Variants in NFATC2 observed in about 807,000 individuals in gnomAD.
The protein encoded by NFATC2 is nuclear factor of activated T cells 2, also known as nuclear factor of activated T-cells, cytoplasmic 2.
NFATC2 carries 22 observed loss-of-function variants against 87.3 expected under a neutral mutation model. The observed-to-expected ratio is 0.25, with a 90% CI of 0.18 to 0.36. The LOEUF (loss-of-function observed/expected upper bound fraction) is 0.36, where lower values mean the gene tolerates loss of function less well. NFATC2 is among the 10% of genes least tolerant of loss of function. The probability of loss-of-function intolerance (pLI) is 1.00; values close to 1 mark genes in which losing one functional copy is unlikely to be tolerated. For synonymous variants in NFATC2, 565 were observed against 542.2 expected (o/e 1.04, Z -0.58); for missense variants, 1,149 against 1,259.1 (o/e 0.91, Z 1.32).
chr20:51,531,612 C>T (rs1442873234), intron 1 of NFATC2, among the ~76,000 whole-genome samples: 1 of 152,180 alleles, frequency 6.6e-6, no homozygotes, highest in Non-Finnish European at 1.5e-5. Context: ...CTCCCACCCC[C>T]GGCTGTGAGA....
At chr20:51,518,542 C>G (rs1020532579) in intron 2 of NFATC2, among the ~76,000 whole-genome samples, 1 of 151,050 alleles carries the variant, frequency 6.6e-6, no homozygotes, top group African/African-American at 2.5e-5. Context: ...ATCCCTCTTA[C>G]CCTGCAGTCC....
At chr20:51,562,644 G>A, upstream of NFATC2, 2 of 1,549,588 alleles carry the variant, frequency 1.3e-6, no homozygotes, top group Non-Finnish European at 1.7e-6. This position sits in a 1 kb window ranked among gnomAD's most constrained non-coding sequence, Gnocchi z 5.8. Context: ...AGGGCACGGG[G>A]ACTTGGCGCG....
intron 7 of NFATC2, 35 bp from the exon 8 acceptor site, chr20:51,435,349 A>C: frequency 6.2e-7 from 1 of 1,613,646 alleles, no homozygotes; most frequent in Non-Finnish European, 8.5e-7. Flanking sequence ...CTTAACTGCA[A>C]TCATGTCTCA....
intron 1 of NFATC2, among the ~76,000 whole-genome samples, chr20:51,553,731 A>AACG (rs916615888): frequency 1.3e-5 from 2 of 151,726 alleles, no homozygotes; most frequent in African/African-American, 4.8e-5. Flanking sequence ...CTCCCCCTTA[A>AACG]ACGACGGTCC....
At chr20:51,540,310 G>C (rs1245209068) in intron 1 of NFATC2, among the ~76,000 whole-genome samples, 1 of 152,200 alleles carries the variant, frequency 6.6e-6, no homozygotes, top group Non-Finnish European at 1.5e-5. Context: ...ACCACGCCTG[G>C]CTGGATAGTA....
intron 5 of NFATC2, among the ~76,000 whole-genome samples, chr20:51,469,172 A>C (rs1987969124): frequency 6.6e-6 from 1 of 152,054 alleles, no homozygotes; most frequent in South Asian, 2.1e-4. Context: ...ACAGGCATGC[A>C]CCAGCATGCC....
At chr20:51,403,643 T>A (rs1988278964) in intron 9 of NFATC2, among the ~76,000 whole-genome samples, 2 of 152,102 alleles carry the variant, frequency 1.3e-5, no homozygotes, top group African/African-American at 4.8e-5. Context: ...GCCCTCGTGA[T>A]GGAATTAGTG....
At chr20:51,463,130 C>T (rs1271026036) in intron 5 of NFATC2, among the ~76,000 whole-genome samples, 7 of 152,238 alleles carry the variant, frequency 4.6e-5, no homozygotes, top group Admixed American at 6.5e-5. Context: ...AATGTGCTGC[C>T]GACTCAGGCA....
chr20:51,414,675 C>G (rs965862506), intron 9 of NFATC2, among the ~76,000 whole-genome samples: 1 of 149,434 alleles, frequency 6.7e-6, no homozygotes, highest in Non-Finnish European at 1.5e-5. Context: ...GGCAACAAAA[C>G]AAGACTCTGT....
chr20:51,502,082 C>T lies in NFATC2; in HGVS notation c.1332+14702G>A, dbSNP rs547733146. On this transcript the variant is annotated intron_variant, in intron 3 of 10. Transcript: ENST00000371564. ...AATGTGCACACAGATTAAGTTGCAG[C>T]AGGGCCTGAGATTCTGCATTCTTCA... is the stretch of plus-strand genomic sequence containing the variant. Among the ~76,000 whole-genome samples the T allele has an allele frequency of 3.3e-5, 5 of 152,286 alleles. No individual in the cohort carries two copies. The South Asian group carries it at 6.2e-4, about 19-fold the overall frequency.
At chr20:51,415,677 A>T (rs1979949477) in intron 9 of NFATC2, among the ~76,000 whole-genome samples, 1 of 152,218 alleles carries the variant, frequency 6.6e-6, no homozygotes, top group South Asian at 2.1e-4. Flanking sequence ...TGTGCATTCT[A>T]AATTTGGGTT....
chr20:51,509,201 C>T (rs2076233511), intron 3 of NFATC2, among the ~76,000 whole-genome samples: 1 of 152,168 alleles, frequency 6.6e-6, no homozygotes. Context: ...ACTCCCAATT[C>T]TCCTTGGCCT....
upstream of NFATC2, among the ~76,000 whole-genome samples, chr20:51,545,379 C>A (rs2076880525): frequency 6.6e-6 from 1 of 152,184 alleles, no homozygotes; most frequent in Non-Finnish European, 1.5e-5. Flanking sequence ...AACCCAGCTG[C>A]CCCACCTTCC....
At chr20:51,453,134 C>T (rs903253803) in intron 6 of NFATC2, among the ~76,000 whole-genome samples, 3 of 152,266 alleles carry the variant, frequency 2.0e-5, no homozygotes, top group African/African-American at 7.2e-5. Context: ...GTCATCAAAC[C>T]CTTTTAAAAT....
chr20:51,402,479 G>GGA (rs1555868359), intron 9 of NFATC2, among the ~76,000 whole-genome samples: 1 of 147,980 alleles, frequency 6.8e-6, no homozygotes, highest in Non-Finnish European at 1.5e-5. Context: ...GCTGCCTTTG[G>GGA]AAAAAAAAAA....
chr20:51,493,887 T>G (rs1044262741), intron 3 of NFATC2, among the ~76,000 whole-genome samples: 28 of 151,986 alleles, frequency 1.8e-4, no homozygotes, highest in Non-Finnish European at 3.2e-4. Flanking sequence ...ACCAACCAAG[T>G]CTCAGATCCG....
At chr20:51,491,915 CA>C (rs2075896035) in intron 3 of NFATC2, among the ~76,000 whole-genome samples, 2 of 147,434 alleles carry the variant, frequency 1.4e-5, no homozygotes, top group Non-Finnish European at 3.0e-5. Context: ...CACACACACA[CA>C]CACCCCTTGC....
intron 3 of NFATC2, among the ~76,000 whole-genome samples, chr20:51,491,544 G>A (rs911810084): frequency 3.9e-5 from 6 of 152,072 alleles, no homozygotes; most frequent in South Asian, 2.1e-4. Flanking sequence ...TCCAGCTCCC[G>A]GTGTGACGAT....
Position 51,542,652 on chromosome 20 carries a change from C to T in NFATC2, c.-153G>A, listed in dbSNP as rs1315622396. ...CCGGGTCCGGGGACGGCGCGCCTGG[C>T]GCAGCGGGTCCTGGACGCGCCCGGG... On this transcript the variant is annotated 5_prime_UTR_variant, in exon 1 of 11. Coordinates refer to ENST00000371564, the MANE Select transcript of NFATC2 (RefSeq NM_012340.5). 3.5e-6 allele frequency: 4 copies of T among 1,152,242 alleles called. No individual in the cohort carries two copies. Among genetic ancestry groups the T allele is most frequent in the East Asian group, 4.2e-5 (1 of 24,068 alleles). 71.4% of individuals were successfully genotyped at this position (1,152,242 alleles called of 1,614,324 possible).
Sources: gnomAD v4.1 joint callset for allele counts (sites outside exome capture counted in the v4.1 genomes callset) on GRCh38, gnomAD v4.1.1 for gene constraint, Gnocchi (gnomAD v3.1) non-coding constraint, MANE v1.5 for transcripts, NCBI Gene and HGNC (gene_info 2026-07-23, HGNC 2026-07-21) for gene names.